CMYA5: variants seen among roughly 807,000 people sequenced by gnomAD.
The protein encoded by CMYA5 is cardiomyopathy associated 5, also known as cardiomyopathy-associated protein 5.
A neutral mutation model predicts 318.9 loss-of-function variants in CMYA5; 246 were observed. The observed-to-expected ratio is 0.77, with a 90% confidence interval of 0.70 to 0.86. The LOEUF is 0.86. CMYA5 is among the 40% of genes least tolerant of loss of function. The pLI is 0.00. For synonymous variants in CMYA5, 1,641 were observed against 1,729.5 expected (o/e 0.95, Z 1.27); for missense variants, 4,589 against 4,678.2 (o/e 0.98, Z 0.56).
chr5:79,750,024 T>TA (rs768514214), intron 5 of CMYA5, among the ~76,000 whole-genome samples: 63 of 147,032 alleles, frequency 4.3e-4, no homozygotes, highest in Admixed American at 3.3e-3. Flanking sequence ...TTTTTTTTTT[T>TA]ACCATATTCG....
chr5:79,717,787 C>T (rs984004845), intron 1 of CMYA5, among the ~76,000 whole-genome samples: 2 of 151,936 alleles, frequency 1.3e-5, no homozygotes, highest in Non-Finnish European at 2.9e-5. Context: ...CTTTCTATTA[C>T]GGCATAATTA....
At chr5:79,747,314 A>C (rs1256245996) in intron 5 of CMYA5, among the ~76,000 whole-genome samples, 1 of 152,236 alleles carries the variant, frequency 6.6e-6, no homozygotes, top group African/African-American at 2.4e-5. Flanking sequence ...GTTAAATAAC[A>C]ATTATCATAA....
In CMYA5 at chr5:79,736,167, G is replaced by T. The variant is rs969602860; in HGVS notation, c.7402G>T (p.Ala2468Ser). The change falls in exon 2 of 13, where the codon GCA (alanine) becomes TCA (serine). Residue 2468 changes from alanine to serine, a missense_variant. Physicochemically the swap from Ala to Ser is moderately conservative, Grantham distance 99. Around this residue, in one of 3 missense-constraint regions of CMYA5, gnomAD observed 2,431 missense variants for 2,495.1 expected, o/e 0.97. Coordinates refer to ENST00000446378, the MANE Select transcript of CMYA5 (RefSeq NM_153610.5). The stretch of plus-strand genomic sequence containing the variant: ...TTTGGAAAACAGATCATATACCTTG[G>T]CAGAAAAGAAGGTGCTGGCAGAAAA... ...DNLENRSYTL[A>S]EKKVLAEKQN... The T allele has an allele frequency of 6.2e-7, 1 of 1,613,698 alleles. No homozygotes were observed. The highest frequency in any genetic ancestry group is 1.7e-5 in the Admixed American group (1 of 59,956).
intron 12 of CMYA5, among the ~76,000 whole-genome samples, chr5:79,797,823 A>G (rs1335496080): frequency 1.3e-5 from 2 of 152,200 alleles, no homozygotes; most frequent in Non-Finnish European, 2.9e-5. Flanking sequence ...TCTCTGCCAC[A>G]TACGGACTTC....
chr5:79,709,396 A>G (rs920170022), intron 1 of CMYA5, among the ~76,000 whole-genome samples: 4 of 152,250 alleles, frequency 2.6e-5, no homozygotes, highest in Non-Finnish European at 4.4e-5. Flanking sequence ...GGGTAAAGAA[A>G]GTGTTACATG....
intron 7 of CMYA5, among the ~76,000 whole-genome samples, chr5:79,760,685 C>A (rs1828634107): frequency 6.6e-6 from 1 of 152,124 alleles, no homozygotes; most frequent in Non-Finnish European, 1.5e-5. Flanking sequence ...CAATCACCTC[C>A]CACCAGGCTC....
intron 1 of CMYA5, among the ~76,000 whole-genome samples, chr5:79,711,401 G>A (rs1403037139): frequency 6.6e-6 from 1 of 152,194 alleles, no homozygotes; most frequent in African/African-American, 2.4e-5. Flanking sequence ...ACTAAAGGTG[G>A]TACAGAGAGA....
Position 79,734,723 on chromosome 5 carries a change from G to A in CMYA5, c.5958G>A (p.Lys1986=). The A allele has an allele frequency of 6.2e-7, 1 of 1,613,812 alleles. No individual in the cohort carries two copies. Among genetic ancestry groups the A allele is most frequent in the Non-Finnish European group, 8.5e-7 (1 of 1,179,816 alleles). ...SSKSYSSEEV[K]LAEEPKSLVL... is the part of the protein sequence containing the mutation. ...AAAGTTACTCTTCTGAAGAAGTAAA[G>A]CTGGCTGAAGAACCAAAGTCTTTAG... Residue 1986 remains lysine, a synonymous_variant, in exon 2 of 13, where the codon AAG becomes AAA. Coordinates refer to ENST00000446378, the MANE Select transcript of CMYA5 (RefSeq NM_153610.5).
intron 1 of CMYA5, among the ~76,000 whole-genome samples, chr5:79,693,336 A>ATTTTT (rs11319092): frequency 1.1e-4 from 15 of 135,634 alleles, no homozygotes; most frequent in Non-Finnish European, 1.9e-4. Flanking sequence ...AAGTCACACA[A>ATTTTT]TTTTTTTTTT....
At chr5:79,719,247 C>T (rs1216059586) in intron 1 of CMYA5, among the ~76,000 whole-genome samples, 1 of 152,118 alleles carries the variant, frequency 6.6e-6, no homozygotes, top group African/African-American at 2.4e-5. Flanking sequence ...TGTTACCTCC[C>T]TCATATTTTT....
At chr5:79,790,795 C>T (rs999991519) in intron 10 of CMYA5, among the ~76,000 whole-genome samples, 175 bp from the exon 11 acceptor site, 10 of 152,270 alleles carry the variant, frequency 6.6e-5, no homozygotes, top group African/African-American at 2.4e-4. Context: ...AACCAGCCAC[C>T]GGCATCCACG....
rs183940425 is a variant in CMYA5, at chr5:79,771,490, T to C, written c.11555+8281T>C. 3.5e-4 allele frequency among the ~76,000 whole-genome samples: 53 copies of C among 152,314 alleles called. 1 individual carries two copies. The highest frequency in any genetic ancestry group is 1.2e-3 in the African/African-American group (49 of 41,574). ...TTCCCTTAATGGCATCCGTCCCCAG[T>C]TGGCATTTGCATAAATCACATCAGC... On this transcript the variant is annotated intron_variant, in intron 9 of 12. Coordinates refer to ENST00000446378, the MANE Select transcript of CMYA5 (RefSeq NM_153610.5).
chr5:79,748,481 C>G (rs1302142448), intron 5 of CMYA5, among the ~76,000 whole-genome samples: 1 of 151,784 alleles, frequency 6.6e-6, no homozygotes, highest in Non-Finnish European at 1.5e-5. Flanking sequence ...GATACCCAGG[C>G]CTTATTCCGA....
At chr5:79,751,812 G>A (rs950835839) in intron 5 of CMYA5, among the ~76,000 whole-genome samples, 3 of 152,190 alleles carry the variant, frequency 2.0e-5, no homozygotes, top group African/African-American at 7.2e-5. Context: ...AGTGAAGAAT[G>A]GAGGGGGCAG....
At chr5:79,722,608 C>G (rs111970021) in intron 1 of CMYA5, among the ~76,000 whole-genome samples, 1 of 141,906 alleles carries the variant, frequency 7.0e-6, no homozygotes, top group African/African-American at 2.6e-5. Context: ...ACCCAGGAGG[C>G]GAAGGTTGCA....
intron 1 of CMYA5, among the ~76,000 whole-genome samples, chr5:79,693,816 T>C (rs1827017118): frequency 6.6e-6 from 1 of 152,240 alleles, no homozygotes; most frequent in African/African-American, 2.4e-5. Context: ...GTCTCTGCCC[T>C]GCTAAAACTC....
chr5:79,731,949 C>G lies in CMYA5; in HGVS notation c.3184C>G (p.Gln1062Glu). 6.2e-7 allele frequency: 1 copy of G among 1,613,198 alleles called. No individual in the cohort carries two copies. The highest frequency in any genetic ancestry group is 8.5e-7 in the Non-Finnish European group (1 of 1,179,616). ...TGTATCTGAGCAGTTCAGTTCATCA[C>G]AGAAGCAAAAAGCTGAAACTTTCCC... is the stretch of plus-strand genomic sequence containing the variant. ...TPVSEQFSSS[Q>E]KQKAETFPLM... Residue 1062 changes from glutamine (Q) to glutamate (E), a missense_variant, in exon 2 of 13, where the codon CAG becomes GAG. Gln to Glu is a conservative substitution (Grantham distance 29, BLOSUM62 2). Around this residue, in one of 3 missense-constraint regions of CMYA5, gnomAD observed 2,132 missense variants for 2,131.3 expected, o/e 1.00. Coordinates refer to ENST00000446378, the MANE Select transcript of CMYA5 (RefSeq NM_153610.5).
chr5:79,792,119 T>C (rs1001149663), intron 11 of CMYA5, among the ~76,000 whole-genome samples: 1 of 152,202 alleles, frequency 6.6e-6, no homozygotes, highest in African/African-American at 2.4e-5. Flanking sequence ...TACCTGCTCC[T>C]AGTTCTGGCC....
rs555001287 is a variant in CMYA5, at chr5:79,734,686, C to A, written c.5921C>A (p.Thr1974Asn). The A allele has an allele frequency of 1.7e-5, 27 of 1,613,682 alleles. No individual in the cohort carries two copies. Among genetic ancestry groups the A allele is most frequent in the Non-Finnish European group, 1.4e-5 (17 of 1,179,794 alleles). Residue 1974 changes from threonine to asparagine, a missense_variant, in exon 2 of 13, where the codon ACC becomes AAC. Thr to Asn is a moderately conservative substitution (Grantham distance 65). Transcript: ENST00000446378. ...ALDTSSGNTE[T>N]LSSKSYSSEE... is the part of the protein sequence containing the mutation. Reference sequence around the variant, plus strand: ...GATACTTCCAGTGGTAATACAGAGACCTTATCAAGTAAAAGTTACTCTTCT... The same window carrying A: ...GATACTTCCAGTGGTAATACAGAGAACTTATCAAGTAAAAGTTACTCTTCT...
Sources: allele counts gnomAD v4.1 joint callset (sites outside exome capture counted in the v4.1 genomes callset), GRCh38; gene constraint gnomAD v4.1.1; regional missense constraint gnomAD v4.1.1; transcripts MANE v1.5; gene names NCBI Gene and HGNC (gene_info 2026-07-23, HGNC 2026-07-21).